The following BFAR variants were observed in gnomAD, a reference collection of about 807,000 sequenced individuals.
BFAR encodes the protein RING finger protein 47.
BFAR carries 52 observed loss-of-function variants against 54.4 expected under a neutral mutation model. The observed-to-expected ratio is 0.96, with a 90% CI of 0.77 to 1.21. BFAR has a LOEUF of 1.21. Among genes scored for constraint, BFAR ranks in the 50% most tolerant of loss-of-function variants. The probability of loss-of-function intolerance (pLI) is 0.00; values close to 1 mark genes in which losing one functional copy is unlikely to be tolerated. For synonymous variants in BFAR, 215 were observed against 204.3 expected, an observed-to-expected ratio of 1.05 and a Z score of -0.45; for missense variants, 571 against 534.0, an observed-to-expected ratio of 1.07 and a Z score of -0.68.
intron 1 of BFAR, among the ~76,000 whole-genome samples, chr16:14,636,590 T>G (rs1284124666): frequency 1.3e-5 from 2 of 152,212 alleles, no homozygotes; most frequent in Non-Finnish European, 2.9e-5. Context: ...GACATTCCAT[T>G]GCCCAGGGAC....
chr16:14,659,234 G>GTTTTTTTTTTT (rs1468503605), intron 5 of BFAR, among the ~76,000 whole-genome samples: 7 of 142,878 alleles, frequency 4.9e-5, no homozygotes, highest in Admixed American at 1.4e-4. Flanking sequence ...GGTTTTTTTT[G>GTTTTTTTTTTT]TTTTTTTTTG....
chr16:14,660,156 T>A (rs2151843438), intron 5 of BFAR, among the ~76,000 whole-genome samples: 1 of 152,242 alleles, frequency 6.6e-6, no homozygotes, highest in East Asian at 1.9e-4. Flanking sequence ...GATGCAGTGA[T>A]CTCCACTGGA....
At position 14,664,852 on chromosome 16, in the gene BFAR, G is replaced by C. The variant is rs774134882; in HGVS notation, c.958-17G>C. The C allele has an allele frequency of 1.2e-6, 2 of 1,606,248 alleles. No homozygotes were observed. Among genetic ancestry groups the C allele is most frequent in the Non-Finnish European group, 1.7e-6 (2 of 1,173,066 alleles). On this transcript the variant is annotated splice_polypyrimidine_tract_variant and intron_variant, in intron 6 of 7. Coordinates refer to ENST00000261658, the MANE Select transcript of BFAR (RefSeq NM_016561.3). ...TCAGTCCTCATGACTTTTTGCGTCT[G>C]TGTGTTATTTTTTAAGGATCTTAAG...
intron 6 of BFAR, among the ~76,000 whole-genome samples, chr16:14,663,405 C>T (rs1230212087): frequency 6.6e-6 from 1 of 152,006 alleles, no homozygotes; most frequent in Non-Finnish European, 1.5e-5. Flanking sequence ...AATCTTGGCT[C>T]ACTGCAACCT....
chr16:14,646,503 A>T (rs1032194779), intron 2 of BFAR, among the ~76,000 whole-genome samples: 13 of 133,904 alleles, frequency 9.7e-5, no homozygotes, highest in Non-Finnish European at 1.9e-4. Context: ...CCCAGCTAAA[A>T]TTTTTTTTTT....
At chr16:14,637,236 G>C (rs1464597761) in intron 1 of BFAR, among the ~76,000 whole-genome samples, 1 of 152,070 alleles carries the variant, frequency 6.6e-6, no homozygotes, top group Non-Finnish European at 1.5e-5. Context: ...CAGCTGTGCA[G>C]TAGCATCTCT....
At chr16:14,639,047 A>C (rs758489922) in intron 1 of BFAR, among the ~76,000 whole-genome samples, 1 of 152,182 alleles carries the variant, frequency 6.6e-6, no homozygotes, top group African/African-American at 2.4e-5. Context: ...CCTAAGTGTT[A>C]ATTGGACAGC....
rs778602590 is a variant in BFAR at position 14,655,189 on chromosome 16, C to G, written c.762C>G (p.Pro254=). Residue 254 remains proline, a synonymous_variant, in exon 5 of 8, where the codon CCC becomes CCG. Coordinates refer to ENST00000261658, the MANE Select transcript of BFAR (RefSeq NM_016561.3). ...TCAAAGCATTAGGCGTGAAGCCCCC[C>G]CAGAATCTCTGGGAATATAAGGTGA... ...ERVKALGVKP[P]QNLWEYKAVN... 1 of 1,540,202 alleles carries G rather than the reference C, an allele frequency of 6.5e-7. No individual in the cohort carries two copies. The highest frequency in any genetic ancestry group is 1.3e-5 in the South Asian group (1 of 76,390).
In BFAR at chr16:14,644,299, C is replaced by G; in HGVS notation, c.-48C>G. ...ATTAATGATGTTTTGCAGCAGTTTT[C>G]TACGTCTGAAATTTTTTATGTCTCT... On this transcript the variant is annotated 5_prime_UTR_variant, in exon 2 of 8. Transcript: ENST00000261658. The G allele has an allele frequency of 1.9e-6, 3 of 1,541,332 alleles. No homozygotes were observed. The highest frequency in any genetic ancestry group is 2.6e-6 in the Non-Finnish European group (3 of 1,134,118).
At chr16:14,645,275 A>G (rs1959758188) in intron 2 of BFAR, among the ~76,000 whole-genome samples, 1 of 151,964 alleles carries the variant, frequency 6.6e-6, no homozygotes, top group Admixed American at 6.6e-5. Flanking sequence ...ACACCACTAC[A>G]CTCCAGCCTG....
intron 4 of BFAR, 142 bp from the exon 5 acceptor site, chr16:14,654,924 C>T (rs981457421): frequency 6.0e-6 from 5 of 835,734 alleles, no homozygotes; most frequent in South Asian, 2.9e-5. Flanking sequence ...CAATTATTTG[C>T]TGCTCTTGAT....
At position 14,644,259 on chromosome 16, in the gene BFAR, G is replaced by GTT. The variant is rs371975687; in HGVS notation, c.-73-6_-73-5dup. On this transcript the variant is annotated splice_polypyrimidine_tract_variant and intron_variant, in intron 1 of 7. Transcript: ENST00000261658. ...TACTATTTGCCTTATTTTTGTCTCT[G>GTT]TTTTTTTTTTCTAGATTAATGATGT... 1.3e-4 allele frequency: 154 copies of GTT among 1,195,378 alleles called. No homozygotes were observed. Among genetic ancestry groups the GTT allele is most frequent in the African/African-American group, 4.1e-4 (26 of 63,152 alleles). 74.0% of individuals were successfully genotyped at this position (1,195,378 alleles called of 1,614,324 possible).
chr16:14,667,526 G>C lies in BFAR; in HGVS notation c.1161-109G>C, dbSNP rs2151846311. The C allele has an allele frequency of 4.9e-6, 5 of 1,024,410 alleles. No individual in the cohort carries two copies. The East Asian group carries it at 1.2e-4, about 24-fold the overall frequency. 63.5% of individuals were successfully genotyped at this position (1,024,410 alleles called of 1,614,324 possible). A position where few individuals can be genotyped will look rare whatever the true frequency, so the allele number is the denominator to read the frequency against. On this transcript the variant is annotated intron_variant, in intron 7 of 7. Coordinates refer to ENST00000261658, the MANE Select transcript of BFAR (RefSeq NM_016561.3). The stretch of plus-strand genomic sequence containing the variant: ...CGGGGACAGAAGACAAGGACATTCA[G>C]CACGGGCAGCCATGCTCTTCCCAGC...
At chr16:14,658,033 A>G (rs1394783898) in intron 5 of BFAR, among the ~76,000 whole-genome samples, 1 of 152,150 alleles carries the variant, frequency 6.6e-6, no homozygotes, top group Non-Finnish European at 1.5e-5. Flanking sequence ...TTGCCTGGGG[A>G]ACTGGGGTTT....
intron 3 of BFAR, 34 bp downstream of exon 3, chr16:14,648,626 C>CA (rs1286785351): frequency 7.8e-7 from 1 of 1,283,892 alleles, no homozygotes; most frequent in Admixed American, 1.9e-5. Flanking sequence ...TGTGCCCCCC[C>CA]ACACCTCACC....
intron 7 of BFAR, chr16:14,667,292 A>G: frequency 3.9e-6 from 1 of 253,350 alleles, no homozygotes; most frequent in East Asian, 7.7e-5. Context: ...GTTGAGCCAC[A>G]TTTGCACCAC....
chr16:14,665,643 A>G (rs779138503), intron 7 of BFAR, among the ~76,000 whole-genome samples: 1 of 152,206 alleles, frequency 6.6e-6, no homozygotes, highest in East Asian at 1.9e-4. Context: ...GTCGGGATCT[A>G]TGGTAAGTAA....
intron 6 of BFAR, among the ~76,000 whole-genome samples, chr16:14,662,938 G>A (rs139629502): frequency 1.0e-3 from 158 of 152,246 alleles, no homozygotes; most frequent in African/African-American, 3.6e-3. Flanking sequence ...TGAGAGGGTC[G>A]TGATCAATGG....
intron 1 of BFAR, among the ~76,000 whole-genome samples, chr16:14,638,676 T>A (rs895151290): frequency 1.3e-5 from 2 of 152,236 alleles, no homozygotes; most frequent in Admixed American, 1.3e-4. Context: ...CTGGGTGCAG[T>A]GGCTCACGCC....
Sources: gnomAD v4.1 joint callset for allele counts (sites outside exome capture counted in the v4.1 genomes callset) on GRCh38, gnomAD v4.1.1 for gene constraint, MANE v1.5 for transcripts, NCBI Gene and HGNC (gene_info 2026-07-23, HGNC 2026-07-21) for gene names.